CACNA2D1: variants seen among roughly 807,000 people sequenced by gnomAD.
CACNA2D1 encodes the protein calcium voltage-gated channel auxiliary subunit alpha2delta 1, also known as voltage-dependent calcium channel subunit alpha-2/delta-1.
A neutral mutation model predicts 171.5 loss-of-function variants in CACNA2D1; 53 were observed. The ratio of observed to expected loss-of-function variants is 0.31; its 90% CI spans 0.25 to 0.39. The LOEUF is 0.39. Among genes scored for constraint, CACNA2D1 ranks in the 10% least tolerant of loss-of-function variants. The pLI is 1.00. For missense variants in CACNA2D1, 903 were observed against 1,299.8 expected (o/e 0.69, Z 4.69); for synonymous variants, 442 against 443.1 (o/e 1.00, Z 0.03).
At chr7:82,155,790 A>G (rs1794322356) in intron 4 of CACNA2D1, among the ~76,000 whole-genome samples, 1 of 152,228 alleles carries the variant, frequency 6.6e-6, no homozygotes, top group South Asian at 2.1e-4. Flanking sequence ...TGTCATCAGC[A>G]TGAAGAAAGA....
At chr7:82,190,790 C>T (rs1466536551) in intron 3 of CACNA2D1, among the ~76,000 whole-genome samples, 7 of 151,566 alleles carry the variant, frequency 4.6e-5, no homozygotes, top group African/African-American at 1.7e-4. Context: ...TCTTAGGAGT[C>T]ATTGGATCTA....
In CACNA2D1 at chr7:81,964,093, T is replaced by C; in HGVS notation, c.2743A>G (p.Ile915Val). 6.2e-7 allele frequency: 1 copy of C among 1,612,262 alleles called. No homozygotes were observed. The highest frequency in any genetic ancestry group is 8.5e-7 in the Non-Finnish European group (1 of 1,178,908). Reference sequence around the variant, plus strand: ...GTGGCCCACCAGCCAATTTGTAATATGTCTGCTACTGATGGCTATAAAATA... The same window carrying C: ...GTGGCCCACCAGCCAATTTGTAATACGTCTGCTACTGATGGCTATAAAATA... ...RSAYVPSVAD[I>V]LQIGWWATAA... Residue 915 changes from isoleucine (I) to valine (V), a missense_variant, in exon 34 of 39, where the codon ATA (isoleucine) becomes GTA (valine). Physicochemically the swap from Ile to Val is conservative, Grantham distance 29. Transcript: ENST00000356860.
intron 11 of CACNA2D1, among the ~76,000 whole-genome samples, chr7:82,035,045 G>A (rs1803140731): frequency 6.6e-6 from 1 of 151,924 alleles, no homozygotes; most frequent in Non-Finnish European, 1.5e-5. Context: ...CAATTAACTG[G>A]CTTTGAACAA....
At chr7:82,045,471 G>A (rs543757250) in intron 10 of CACNA2D1, among the ~76,000 whole-genome samples, 1 of 152,158 alleles carries the variant, frequency 6.6e-6, no homozygotes, top group Admixed American at 6.5e-5. Flanking sequence ...CCTTACTGAT[G>A]TTTCATGGGT....
At chr7:82,389,551 A>G (rs1480754563) in intron 1 of CACNA2D1, among the ~76,000 whole-genome samples, 1 of 152,148 alleles carries the variant, frequency 6.6e-6, no homozygotes, top group African/African-American at 2.4e-5. Flanking sequence ...TGTTATCTCT[A>G]CTGAACTGAA....
chr7:82,011,922 A>G (rs1040132729), intron 15 of CACNA2D1: 12 of 445,830 alleles, frequency 2.7e-5, no homozygotes, highest in African/African-American at 2.0e-4. Context: ...TACATTCCCA[A>G]TGAAGGGATC....
Position 82,124,503 on chromosome 7 carries a change from T to C in CACNA2D1, c.397-7330A>G, listed in dbSNP as rs183598594. On this transcript the variant is annotated intron_variant, in intron 5 of 38. Transcript: ENST00000356860. ...TGACTGCAGGCCAAATCTTCTTCTGTAACTTCACTTTCAGCCTCTGATTGG... is the reference window on the plus strand; with the variant it reads ...TGACTGCAGGCCAAATCTTCTTCTGCAACTTCACTTTCAGCCTCTGATTGG... 3.3e-3 allele frequency among the ~76,000 whole-genome samples: 502 copies of C among 152,276 alleles called. 6 individuals are homozygous for C. Among genetic ancestry groups the C allele is most frequent in the South Asian group, 0.028 (135 of 4,822 alleles).
In CACNA2D1 at chr7:82,295,477, C is replaced by T. The variant is rs148570603; in HGVS notation, c.294+39658G>A. Among the ~76,000 whole-genome samples the T allele has an allele frequency of 6.1e-3, 934 of 151,976 alleles. 9 individuals are homozygous for T. The highest frequency in any genetic ancestry group is 0.021 in the African/African-American group (879 of 41,446). ...TCAGCCTCCCCAGTGGCTGAGATTA[C>T]AGCTGTACACCACTATGCACTATAC... On this transcript the variant is annotated intron_variant, in intron 3 of 38. Coordinates refer to ENST00000356860, the MANE Select transcript of CACNA2D1 (RefSeq NM_000722.4).
At chr7:82,284,309 A>G (rs1472772174) in intron 3 of CACNA2D1, among the ~76,000 whole-genome samples, 2 of 152,226 alleles carry the variant, frequency 1.3e-5, no homozygotes, top group African/African-American at 4.8e-5. Flanking sequence ...CGTATCTTGT[A>G]TCTCCAAGGG....
intron 18 of CACNA2D1, among the ~76,000 whole-genome samples, chr7:81,998,751 A>G (rs377520898): frequency 6.6e-6 from 1 of 152,148 alleles, no homozygotes; most frequent in East Asian, 1.9e-4. Flanking sequence ...GCTGACCAGT[A>G]TTGGTAAGAT....
intron 7 of CACNA2D1, among the ~76,000 whole-genome samples, chr7:82,078,758 T>C (rs1809319332): frequency 1.3e-5 from 2 of 152,088 alleles, no homozygotes; most frequent in Non-Finnish European, 2.9e-5. Context: ...AAGTTACTGA[T>C]GAAGAAACAG....
chr7:82,095,375 G>C (rs888803496), intron 6 of CACNA2D1, among the ~76,000 whole-genome samples: 6 of 151,586 alleles, frequency 4.0e-5, no homozygotes, highest in Admixed American at 6.6e-5. Flanking sequence ...CTATCTTTAT[G>C]TGTGTGCCTT....
intron 3 of CACNA2D1, among the ~76,000 whole-genome samples, chr7:82,247,404 A>G (rs38550): frequency 0.76 from 115,952 of 151,864 alleles, 45,316 homozygotes; most frequent in African/African-American, 0.93. Context: ...CAGCTACTTG[A>G]GAGGCTGAGG....
rs1554377773 is a variant in CACNA2D1, at chr7:82,055,948, A to AT, written c.879+4479_879+4480insA. Reference sequence around the variant, plus strand: ...TGTGTGTGTATATATATATATATATAATTTTTTAAAAAAAGGAAAGAATCC... The same window carrying AT: ...TGTGTGTGTATATATATATATATATATATTTTTTAAAAAAAGGAAAGAATCC... On this transcript the variant is annotated intron_variant, in intron 10 of 38. Coordinates refer to ENST00000356860, the MANE Select transcript of CACNA2D1 (RefSeq NM_000722.4). Among the ~76,000 whole-genome samples, 86 of 131,016 alleles carry AT rather than the reference A, an allele frequency of 6.6e-4. No individual in the cohort carries two copies. The East Asian group carries it at 7.8e-3, about 12-fold the overall frequency. The allele number at this position is 131,016 out of a possible 152,430, so 86.0% of individuals were successfully genotyped here.
intron 24 of CACNA2D1, among the ~76,000 whole-genome samples, chr7:81,980,140 A>C (rs2130602786): frequency 6.9e-6 from 1 of 145,368 alleles, no homozygotes; most frequent in East Asian, 2.2e-4. Flanking sequence ...AAAGAGAATT[A>C]ATGGAAAAAA....
At chr7:82,423,709 G>A (rs936913516) in intron 1 of CACNA2D1, among the ~76,000 whole-genome samples, 11 of 152,152 alleles carry the variant, frequency 7.2e-5, no homozygotes, top group African/African-American at 2.7e-4. Context: ...TCACTTTCAT[G>A]TAAAATCATT....
chr7:82,086,450 A>C (rs1373993996), intron 6 of CACNA2D1, among the ~76,000 whole-genome samples: 1 of 152,160 alleles, frequency 6.6e-6, no homozygotes, highest in African/African-American at 2.4e-5. Context: ...GCTGCATCAG[A>C]TCCATCGTGC....
chr7:82,139,730 ACATCCATACT>A (rs1257773390), intron 4 of CACNA2D1, among the ~76,000 whole-genome samples: 5 of 151,778 alleles, frequency 3.3e-5, no homozygotes, highest in African/African-American at 7.3e-5. Context: ...TGCAGGTCAA[ACATCCATACT>A]CATCCATACT....
chr7:82,134,847 A>G (rs1435874418), intron 5 of CACNA2D1, among the ~76,000 whole-genome samples: 1 of 152,166 alleles, frequency 6.6e-6, no homozygotes, highest in Non-Finnish European at 1.5e-5. Flanking sequence ...ACAAATAGTA[A>G]CACGTGCACT....
Sources: gnomAD v4.1 joint callset for allele counts (sites outside exome capture counted in the v4.1 genomes callset) on GRCh38, gnomAD v4.1.1 for gene constraint, MANE v1.5 for transcripts, NCBI Gene and HGNC (gene_info 2026-07-23, HGNC 2026-07-21) for gene names.